ETHE1: variants seen among roughly 807,000 people sequenced by gnomAD.
The protein encoded by ETHE1 is persulfide dioxygenase ETHE1, mitochondrial.
A neutral mutation model predicts 25.7 loss-of-function variants in ETHE1; 16 were observed. That is an observed-to-expected ratio of 0.62 (90% CI 0.42 to 0.95). The LOEUF (loss-of-function observed/expected upper bound fraction) is 0.95, where lower values mean the gene tolerates loss of function less well. ETHE1 is among the 40% of genes least tolerant of loss of function. The pLI is 0.00. For missense variants in ETHE1, 300 were observed against 333.6 expected (o/e 0.90, Z 0.79); for synonymous variants, 139 against 135.9 (o/e 1.02, Z -0.16).
At chr19:43,522,720 A>T (rs1382595755) in intron 3 of ETHE1, among the ~76,000 whole-genome samples, 2 of 152,288 alleles carry the variant, frequency 1.3e-5, no homozygotes, top group Non-Finnish European at 2.9e-5. Context: ...ACCTCAGGTG[A>T]TCTACCCACC....
At chr19:43,508,102 G>A (rs1023744474) in intron 5 of ETHE1, 42 bp from the exon 6 acceptor site, 3 of 1,609,434 alleles carry the variant, frequency 1.9e-6, no homozygotes, top group African/African-American at 2.7e-5. Flanking sequence ...GGAGTCTAGT[G>A]CCTCAGGCCT....
In ETHE1 at chr19:43,506,859, G is replaced by A. The variant is rs1971779868; in HGVS notation, c.756C>T (p.Pro252=). ...TCTGACAGAAGTGAGATCAGGCAGT[G>A]GGTGTCTGCACCCCACAGCGCATGT... ...PANMRCGVQT[P]TA Residue 252 remains proline (P), a synonymous_variant, in exon 7 of 7, where the codon CCC becomes CCT. Transcript: ENST00000292147. 6.2e-7 allele frequency: 1 copy of A among 1,613,656 alleles called. No individual in the cohort carries two copies. Among genetic ancestry groups the A allele is most frequent in the Non-Finnish European group, 8.5e-7 (1 of 1,179,886 alleles).
At chr19:43,525,051 T>C (rs1345238581) in intron 3 of ETHE1, among the ~76,000 whole-genome samples, 2 of 140,400 alleles carry the variant, frequency 1.4e-5, no homozygotes, top group African/African-American at 5.4e-5. Flanking sequence ...GAGGCTAAGG[T>C]GGGAGGATCA....
At chr19:43,516,623 CTTTTTTTTTT>C (rs71169249) in intron 3 of ETHE1, among the ~76,000 whole-genome samples, 2 of 110,172 alleles carry the variant, frequency 1.8e-5, no homozygotes, top group Non-Finnish European at 3.5e-5. Context: ...TTCTTTTTTT[CTTTTTTTTTT>C]TTTTTTTTGA....
chr19:43,518,683 G>A (rs1229064495), intron 3 of ETHE1, among the ~76,000 whole-genome samples: 3 of 149,720 alleles, frequency 2.0e-5, no homozygotes, highest in South Asian at 2.1e-4. Flanking sequence ...CCCGGGAGGC[G>A]GAGCTTGCAG....
chr19:43,526,568 G>A lies in ETHE1; in HGVS notation c.173C>T (p.Ala58Val). The change falls in exon 2 of 7, where the codon GCG becomes GTG. Residue 58 changes from alanine (A) to valine (V), a missense_variant. Physicochemically the swap from Ala to Val is moderately conservative, Grantham distance 64. Coordinates refer to ENST00000292147, the MANE Select transcript of ETHE1 (RefSeq NM_014297.5). ...CTTGATCAGCTGGGCATCCCGAGGC[G>A]CTGTTTCCAGGACTGGGTCGATCAG... ...AVLIDPVLET[A>V]PRDAQLIKEL... 1 of 1,613,968 alleles carries A rather than the reference G, an allele frequency of 6.2e-7. No homozygotes were observed. Among genetic ancestry groups the A allele is most frequent in the South Asian group, 1.1e-5 (1 of 91,050 alleles).
chr19:43,509,990 C>T (rs987507635), intron 4 of ETHE1, among the ~76,000 whole-genome samples: 4 of 152,026 alleles, frequency 2.6e-5, no homozygotes, highest in African/African-American at 9.7e-5. Flanking sequence ...AGATTGGGAG[C>T]CTTGGAGAGA....
Position 43,527,133 on chromosome 19 carries a change from C to G in ETHE1, c.45G>C (p.Gln15His). Reference sequence around the variant, plus strand: ...GGATGGGGGCTCCAGACCCGCCGCGCTGGCTCAGCTGCCGCCGGGCGACCC... The same window carrying G: ...GGATGGGGGCTCCAGACCCGCCGCGGTGGCTCAGCTGCCGCCGGGCGACCC... ...VLRVARRQLS[Q>H]RGGSGAPILL... is the part of the protein sequence containing the mutation. The change falls in exon 1 of 7, where the codon CAG (glutamine) becomes CAC (histidine). Residue 15 changes from glutamine (Q) to histidine (H), a missense_variant. Gln to His is a conservative substitution (Grantham distance 24). Coordinates refer to ENST00000292147, the MANE Select transcript of ETHE1 (RefSeq NM_014297.5). 1 of 1,553,232 alleles carries G rather than the reference C, an allele frequency of 6.4e-7. No homozygotes were observed. Among genetic ancestry groups the G allele is most frequent in the Middle Eastern group, 1.7e-4 (1 of 5,868 alleles).
chr19:43,524,253 C>T (rs1486710962), intron 3 of ETHE1, among the ~76,000 whole-genome samples: 4 of 151,990 alleles, frequency 2.6e-5, no homozygotes, highest in Admixed American at 6.6e-5. Context: ...GGCTTGGTGG[C>T]GCACGCCTGT....
At chr19:43,518,936 G>A (rs1972080333) in intron 3 of ETHE1, among the ~76,000 whole-genome samples, 1 of 148,146 alleles carries the variant, frequency 6.8e-6, no homozygotes, top group Non-Finnish European at 1.5e-5. Context: ...GAGGGGCGCG[G>A]TTCTAAAAGT....
At chr19:43,511,676 A>T in intron 3 of ETHE1, 110 bp from the exon 4 acceptor site, 1 of 1,248,808 alleles carries the variant, frequency 8.0e-7, no homozygotes, top group Non-Finnish European at 1.1e-6. Flanking sequence ...ACATTTTGGT[A>T]AAAAATGTAG....
intron 3 of ETHE1, among the ~76,000 whole-genome samples, chr19:43,517,939 C>G (rs1274937803): frequency 6.8e-6 from 1 of 146,092 alleles, no homozygotes; most frequent in Non-Finnish European, 1.5e-5. Context: ...GACAGAGCAA[C>G]ACTCCGTCTC....
intron 3 of ETHE1, among the ~76,000 whole-genome samples, chr19:43,513,960 G>A (rs1432526561): frequency 7.9e-5 from 12 of 152,100 alleles, no homozygotes; most frequent in African/African-American, 2.7e-4. Flanking sequence ...GACCTCAGCT[G>A]ATCTGCCTGC....
intron 3 of ETHE1, among the ~76,000 whole-genome samples, chr19:43,518,830 A>G (rs1004535111): frequency 5.3e-5 from 8 of 151,468 alleles, no homozygotes; most frequent in African/African-American, 7.3e-5. Flanking sequence ...GAAGTCTCAA[A>G]GTATAGCCTA....
intron 5 of ETHE1, among the ~76,000 whole-genome samples, 192 bp from the exon 6 acceptor site, chr19:43,508,252 A>C (rs1202641596): frequency 2.0e-5 from 3 of 152,064 alleles, no homozygotes; most frequent in Non-Finnish European, 4.4e-5. Flanking sequence ...CTCCACAAGT[A>C]AGGCCCAGGA....
intron 4 of ETHE1, among the ~76,000 whole-genome samples, chr19:43,510,962 T>A (rs988131303): frequency 1.3e-5 from 2 of 152,058 alleles, no homozygotes; most frequent in African/African-American, 4.8e-5. Flanking sequence ...AGCATTAGAT[T>A]CTCATAGGAG....
Position 43,511,504 on chromosome 19 carries a change from G to T in ETHE1, c.438C>A (p.Asp146Glu). Residue 146 changes from aspartate to glutamate, a missense_variant, in exon 4 of 7, where the codon GAC becomes GAA. Transcript: ENST00000292147. The stretch of plus-strand genomic sequence containing the variant: ...CATCTCCAGTGAAGGCCATGCTGTG[G>T]TCATTCAGGACGAAGGTGACACAGC... ...TPGCVTFVLN[D>E]HSMAFTGDAL... 1.2e-6 allele frequency: 2 copies of T among 1,614,142 alleles called. No individual in the cohort carries two copies. Among genetic ancestry groups the T allele is most frequent in the South Asian group, 2.2e-5 (2 of 91,080 alleles).
intron 3 of ETHE1, among the ~76,000 whole-genome samples, chr19:43,515,006 C>CT (rs1402320513): frequency 2.0e-5 from 3 of 152,148 alleles, no homozygotes; most frequent in African/African-American, 4.8e-5. Flanking sequence ...ACAAACAGAT[C>CT]TTGCAAACCA....
rs183085320 is a variant in ETHE1, at chr19:43,524,254, G to C, written c.375+1947C>G. ...AAAAAAATTTGCTGGGCTTGGTGGC[G>C]CACGCCTGTAATCCCTGCTATTTGG... On this transcript the variant is annotated intron_variant, in intron 3 of 6. Coordinates refer to ENST00000292147, the MANE Select transcript of ETHE1 (RefSeq NM_014297.5). Among the ~76,000 whole-genome samples the C allele has an allele frequency of 6.6e-5, 10 of 151,906 alleles. No individual in the cohort carries two copies. The East Asian group carries it at 1.2e-3, about 18-fold the overall frequency.
Sources: allele counts gnomAD v4.1 joint callset (sites outside exome capture counted in the v4.1 genomes callset), GRCh38; gene constraint gnomAD v4.1.1; transcripts MANE v1.5; gene names NCBI Gene and HGNC (gene_info 2026-07-23, HGNC 2026-07-21).